Variants in TBC1D8B observed in about 807,000 individuals in gnomAD.
The protein encoded by TBC1D8B is RP11-321G1.1.
TBC1D8B carries 75 observed loss-of-function variants against 82.9 expected under a neutral mutation model. The observed-to-expected ratio is 0.90, with a 90% CI of 0.75 to 1.10. The LOEUF (loss-of-function observed/expected upper bound fraction) is 1.10, where lower values mean the gene tolerates loss of function less well. Ranked by LOEUF, TBC1D8B falls within the 50% of genes least tolerant of loss-of-function variation. The probability of loss-of-function intolerance (pLI) is 0.00; values close to 1 mark genes in which losing one functional copy is unlikely to be tolerated. For synonymous variants in TBC1D8B, 276 were observed against 276.8 expected, an observed-to-expected ratio of 1.00 and a Z score of 0.03; for missense variants, 794 against 796.9, an observed-to-expected ratio of 1.00 and a Z score of 0.04.
intron 3 of TBC1D8B, among the ~76,000 whole-genome samples, chrX:106,821,379 T>C (rs1424851124): frequency 9.0e-6 from 1 of 110,918 alleles, no homozygotes; most frequent in Non-Finnish European, 1.9e-5. Context: ...AGTTTTGAGT[T>C]GAATAAACCA....
rs1932086194 is a variant in TBC1D8B, at chrX:106,833,233, G to T, written c.1203+5896G>T. Among the ~76,000 whole-genome samples, 3 of 111,260 alleles carry T rather than the reference G, an allele frequency of 2.7e-5. No homozygotes were observed. In the South Asian group the frequency reaches 1.1e-3, roughly 42 times the overall value. Reference sequence around the variant, plus strand: ...CTTTCCTTCACTTTTAGAGCCATATGATAATTGTAAAATCAATGTCAGATA... The same window carrying T: ...CTTTCCTTCACTTTTAGAGCCATATTATAATTGTAAAATCAATGTCAGATA... On this transcript the variant is annotated intron_variant, in intron 7 of 20. Coordinates refer to ENST00000357242, the MANE Select transcript of TBC1D8B (RefSeq NM_017752.3).
intron 10 of TBC1D8B, among the ~76,000 whole-genome samples, chrX:106,844,411 TGAA>T (rs1341810306): frequency 9.3e-6 from 1 of 107,565 alleles, no homozygotes; most frequent in Admixed American, 1.0e-4. Context: ...GTTTTTATCA[TGAA>T]GGAGTATTGA....
chrX:106,827,536 A>G, intron 7 of TBC1D8B, 199 bp downstream of exon 7: 1 of 373,061 alleles, frequency 2.7e-6, no homozygotes, highest in Non-Finnish European at 4.6e-6. Flanking sequence ...ATTTTTAGGA[A>G]CCCATACATT....
At chrX:106,851,462 C>T (rs758923439) in intron 12 of TBC1D8B, among the ~76,000 whole-genome samples, 241 of 111,545 alleles carry the variant, frequency 2.2e-3, no homozygotes, top group Non-Finnish European at 3.5e-3. Context: ...ATGTGCACAA[C>T]GTGCAGGTTT....
chrX:106,859,981 G>T (rs950213544), intron 14 of TBC1D8B, among the ~76,000 whole-genome samples: 1 of 111,877 alleles, frequency 8.9e-6, no homozygotes, highest in African/African-American at 3.3e-5. Flanking sequence ...TCGTTTTTGT[G>T]ATGAATTGCA....
chrX:106,803,168 G>T (rs1045736908), intron 1 of TBC1D8B, among the ~76,000 whole-genome samples, 185 bp downstream of exon 1: 3 of 111,977 alleles, frequency 2.7e-5, no homozygotes, highest in Non-Finnish European at 5.6e-5. Flanking sequence ...CTCACTGGAC[G>T]ACGAGTTGCT....
chrX:106,852,438 T>C (rs1320823225), intron 12 of TBC1D8B, among the ~76,000 whole-genome samples: 2 of 110,541 alleles, frequency 1.8e-5, no homozygotes, highest in East Asian at 5.7e-4. Context: ...CATTTGTCAA[T>C]TTTGGCTTTT....
At chrX:106,855,232 A>C (rs1371107891) in intron 14 of TBC1D8B, among the ~76,000 whole-genome samples, 4 of 112,485 alleles carry the variant, frequency 3.6e-5, no homozygotes, top group Non-Finnish European at 7.5e-5. Context: ...TGAATAATTC[A>C]GTGAGGTTAC....
chrX:106,847,635 C>T (rs1321563348), intron 10 of TBC1D8B, among the ~76,000 whole-genome samples: 8 of 111,173 alleles, frequency 7.2e-5, no homozygotes, highest in South Asian at 3.8e-4. Flanking sequence ...ATCCGAAAGA[C>T]GTTTTATAAG....
intron 7 of TBC1D8B, among the ~76,000 whole-genome samples, chrX:106,831,799 T>G (rs1438854800): frequency 9.0e-6 from 1 of 111,643 alleles, no homozygotes; most frequent in East Asian, 2.8e-4. Flanking sequence ...AATAAATATA[T>G]GTACAAAATA....
rs1430326092 is a variant in TBC1D8B at position 106,826,160 on chromosome X, A to T, written c.958A>T (p.Met320Leu). ...PFSHFNTHGKMCISENYICFA... is the reference protein window; with the variant it reads ...PFSHFNTHGKLCISENYICFA... ...CAGCCACTTCAATACTCATGGGAAA[A>T]TGTGCATCTCAGAAAATTATATCTG... Residue 320 changes from methionine (M) to leucine (L), a missense_variant, in exon 6 of 21, where the codon ATG becomes TTG. Physicochemically the swap from Met to Leu is conservative, Grantham distance 15. Coordinates refer to ENST00000357242, the MANE Select transcript of TBC1D8B (RefSeq NM_017752.3). 7.4e-6 allele frequency: 9 copies of T among 1,209,005 alleles called. No individual in the cohort carries two copies. The highest frequency in any genetic ancestry group is 6.7e-6 in the Non-Finnish European group (6 of 894,645).
chrX:106,853,187 T>C (rs1932628173), intron 12 of TBC1D8B, among the ~76,000 whole-genome samples: 1 of 111,375 alleles, frequency 9.0e-6, no homozygotes, highest in Non-Finnish European at 1.9e-5. Context: ...TTTGAAGCAA[T>C]TGTAAATGGG....
At position 106,848,317 on chromosome X, in the gene TBC1D8B, C is replaced by T; in HGVS notation, c.1837+14C>T. On this transcript the variant is annotated intron_variant, in intron 11 of 20. Coordinates refer to ENST00000357242, the MANE Select transcript of TBC1D8B (RefSeq NM_017752.3). ...GTCGAATTATTGGTAAAAGAAAAAC[C>T]ACACACACACATATGCATACACACA... 9.7e-7 allele frequency: 1 copy of T among 1,034,463 alleles called. No homozygotes were observed. The allele number at this position is 1,034,463 out of a possible 1,213,427, so 85.3% of individuals were successfully genotyped here.
chrX:106,859,518 T>C (rs1316576160), intron 14 of TBC1D8B, among the ~76,000 whole-genome samples: 1 of 111,873 alleles, frequency 8.9e-6, no homozygotes, highest in East Asian at 2.8e-4. Context: ...TTGGACTTTG[T>C]TGGTACATAG....
At chrX:106,830,936 A>G (rs1486015809) in intron 7 of TBC1D8B, among the ~76,000 whole-genome samples, 1 of 106,026 alleles carries the variant, frequency 9.4e-6, no homozygotes, top group Non-Finnish European at 1.9e-5. Flanking sequence ...CCTAAAACTT[A>G]AAGTATAATA....
chrX:106,828,775 A>T (rs1451769582), intron 7 of TBC1D8B: 1 of 109,896 alleles, frequency 9.1e-6, no homozygotes, highest in Non-Finnish European at 1.9e-5. Context: ...TAAATTAGGT[A>T]TTGATGGGAC....
At chrX:106,848,823 G>A (rs1178845382) in intron 11 of TBC1D8B, among the ~76,000 whole-genome samples, 1 of 110,181 alleles carries the variant, frequency 9.1e-6, no homozygotes, top group East Asian at 2.8e-4. Context: ...TGTCGCCCAG[G>A]CTGGAGTGCG....
At chrX:106,872,085 G>C (rs187280966) in intron 20 of TBC1D8B, among the ~76,000 whole-genome samples, 49 of 110,296 alleles carry the variant, frequency 4.4e-4, no homozygotes, top group African/African-American at 1.5e-3. Context: ...TCCCCTAAGG[G>C]TATGAGGTAA....
intron 7 of TBC1D8B, among the ~76,000 whole-genome samples, chrX:106,837,009 T>G (rs1407242141): frequency 9.0e-6 from 1 of 111,691 alleles, no homozygotes; most frequent in Non-Finnish European, 1.9e-5. Flanking sequence ...AAAAAGATGT[T>G]GTACTCTTTT....
Sources: gnomAD v4.1 joint callset for allele counts (sites outside exome capture counted in the v4.1 genomes callset) on GRCh38, gnomAD v4.1.1 for gene constraint, MANE v1.5 for transcripts, NCBI Gene and HGNC (gene_info 2026-07-23, HGNC 2026-07-21) for gene names.